NR5A2: variants seen among roughly 807,000 people sequenced by gnomAD.
The protein encoded by NR5A2 is nuclear receptor subfamily 5 group A member 2.
Under a neutral mutation model 62.7 loss-of-function variants are expected in NR5A2, and 26 were observed. The observed-to-expected ratio is 0.41, with a 90% confidence interval of 0.30 to 0.58. The LOEUF (loss-of-function observed/expected upper bound fraction) is 0.58. NR5A2 is among the 20% of genes least tolerant of loss of function. The probability of loss-of-function intolerance (pLI) is 0.22; values close to 1 mark genes in which losing one functional copy is unlikely to be tolerated. For synonymous variants in NR5A2, 246 were observed against 241.7 expected (o/e 1.02, Z -0.16); for missense variants, 541 against 669.1 (o/e 0.81, Z 2.11).
chr1:200,028,120 T>C lies in NR5A2; in HGVS notation c.64+209T>C, dbSNP rs115628659. Reference sequence around the variant, plus strand: ...GGATATTTCAACATATGAATATTATTCATTATATCTAGTGTTTACTGGTGT... The same window carrying C: ...GGATATTTCAACATATGAATATTATCCATTATATCTAGTGTTTACTGGTGT... On this transcript the variant is annotated intron_variant, in intron 1 of 7. Transcript: ENST00000367362. 8.2e-3 allele frequency among the ~76,000 whole-genome samples: 1,252 copies of C among 152,350 alleles called. 17 individuals are homozygous for C. The highest frequency in any genetic ancestry group is 0.025 in the African/African-American group (1,058 of 41,590).
intron 7 of NR5A2, among the ~76,000 whole-genome samples, chr1:200,141,388 T>A (rs1667438514): frequency 6.6e-6 from 1 of 152,192 alleles, no homozygotes; most frequent in Admixed American, 6.5e-5. Flanking sequence ...GGAATTGGCA[T>A]CTTTCACTCA....
intron 7 of NR5A2, among the ~76,000 whole-genome samples, chr1:200,151,958 G>A (rs1653149354): frequency 6.6e-6 from 1 of 152,212 alleles, no homozygotes; most frequent in African/African-American, 2.4e-5. Flanking sequence ...TCAGATCCAG[G>A]AGTCCCAGAC....
At chr1:200,118,032 T>TC (rs1163444125) in intron 6 of NR5A2, among the ~76,000 whole-genome samples, 1 of 146,434 alleles carries the variant, frequency 6.8e-6, no homozygotes, top group African/African-American at 2.5e-5. Context: ...TTTTTTTTTT[T>TC]TTTTGAGACA....
Position 200,174,225 on chromosome 1 carries a change from G to T in NR5A2, c.*15G>T. ...AAAGAGCATAAGTTACAACCCCTAG[G>T]AGCTCTGCTTTCAAAACAAAAAGAG... On this transcript the variant is annotated 3_prime_UTR_variant, in exon 8 of 8. Transcript: ENST00000367362. The T allele has an allele frequency of 6.5e-7, 1 of 1,527,106 alleles. No homozygotes were observed. The highest frequency in any genetic ancestry group is 8.8e-7 in the Non-Finnish European group (1 of 1,136,386). 94.6% of individuals were successfully genotyped at this position (1,527,106 alleles called of 1,614,324 possible).
At chr1:200,156,107 A>C (rs973277278) in intron 7 of NR5A2, among the ~76,000 whole-genome samples, 3 of 152,338 alleles carry the variant, frequency 2.0e-5, no homozygotes, top group East Asian at 3.9e-4. Context: ...TTACTGAGCC[A>C]CCATGGGGGT....
At chr1:200,095,630 C>A (rs757739915) in intron 5 of NR5A2, among the ~76,000 whole-genome samples, 1 of 151,708 alleles carries the variant, frequency 6.6e-6, no homozygotes, top group East Asian at 2.0e-4. Context: ...TCAGCTCACT[C>A]CAAGCTCCAC....
intron 5 of NR5A2, among the ~76,000 whole-genome samples, chr1:200,062,833 A>C: frequency 6.6e-6 from 1 of 152,224 alleles, no homozygotes; most frequent in East Asian, 1.9e-4. Flanking sequence ...TGTATTAGCT[A>C]GTTAACACAT....
intron 7 of NR5A2, among the ~76,000 whole-genome samples, chr1:200,172,227 G>A (rs1372761613): frequency 1.3e-5 from 2 of 152,072 alleles, no homozygotes; most frequent in Non-Finnish European, 2.9e-5. Context: ...ATTTCTGATT[G>A]TTTATATTTT....
chr1:200,112,205 A>G (rs948604199), intron 6 of NR5A2, among the ~76,000 whole-genome samples: 1 of 152,214 alleles, frequency 6.6e-6, no homozygotes, highest in African/African-American at 2.4e-5. Context: ...TTGGAAATGT[A>G]ACATTTGAGC....
chr1:200,146,399 T>C (rs1667696467), intron 7 of NR5A2, among the ~76,000 whole-genome samples: 1 of 152,210 alleles, frequency 6.6e-6, no homozygotes, highest in Admixed American at 6.5e-5. Context: ...AAATTTTCTG[T>C]GGAGGCCAAC....
At chr1:200,107,814 A>ATTTTTTTTTTTTTTTT (rs1558143331) in intron 5 of NR5A2, among the ~76,000 whole-genome samples, 1 of 150,330 alleles carries the variant, frequency 6.7e-6, no homozygotes, top group African/African-American at 2.5e-5. Context: ...TAGTTTTTTA[A>ATTTTTTTTTTTTTTTT]GAGACGGGGT....
chr1:200,074,223 G>GT (rs894068791), intron 5 of NR5A2, among the ~76,000 whole-genome samples: 7 of 151,940 alleles, frequency 4.6e-5, no homozygotes, highest in Non-Finnish European at 4.4e-5. Context: ...GTTTATTAAT[G>GT]TTTTTTTCTT....
intron 7 of NR5A2, among the ~76,000 whole-genome samples, chr1:200,146,178 A>G (rs1330417272): frequency 6.6e-6 from 1 of 152,216 alleles, no homozygotes; most frequent in Non-Finnish European, 1.5e-5. Flanking sequence ...TGAGTTTCTA[A>G]TTTGCCATTC....
intron 2 of NR5A2, among the ~76,000 whole-genome samples, chr1:200,041,997 G>A (rs1161490368): frequency 1.3e-5 from 2 of 152,172 alleles, no homozygotes; most frequent in African/African-American, 4.8e-5. Context: ...CCTCAAGACT[G>A]TCATCGCGAT....
chr1:200,027,958 A>G (rs1227475287), intron 1 of NR5A2, 47 bp downstream of exon 1: 2 of 1,279,678 alleles, frequency 1.6e-6, no homozygotes, highest in Non-Finnish European at 2.2e-6. Flanking sequence ...CTGCTACTAC[A>G]TACATATAAT....
intron 5 of NR5A2, among the ~76,000 whole-genome samples, chr1:200,091,252 A>G (rs548885388): frequency 6.6e-6 from 1 of 152,316 alleles, no homozygotes; most frequent in African/African-American, 2.4e-5. Context: ...AGTGACTACT[A>G]TTTATTGAGC....
intron 1 of NR5A2, among the ~76,000 whole-genome samples, chr1:200,033,235 G>A (rs1289163566): frequency 6.6e-6 from 1 of 152,188 alleles, no homozygotes; most frequent in Non-Finnish European, 1.5e-5. Context: ...CCAACAGATG[G>A]TGAGAAGGAA....
At chr1:200,131,228 GTTGTGGATT>G (rs934109697) in intron 7 of NR5A2, among the ~76,000 whole-genome samples, 5 of 152,060 alleles carry the variant, frequency 3.3e-5, no homozygotes, top group African/African-American at 1.2e-4. Context: ...TATAATAGGT[GTTGTGGATT>G]TTTTTTTTCT....
intron 6 of NR5A2, among the ~76,000 whole-genome samples, chr1:200,120,475 A>G (rs142548747): frequency 3.5e-3 from 529 of 152,350 alleles, no homozygotes; most frequent in Middle Eastern, 0.031. Context: ...AAAAGTGATT[A>G]TATTTATCAG....
Sources: gnomAD v4.1 joint callset for allele counts (sites outside exome capture counted in the v4.1 genomes callset) on GRCh38, gnomAD v4.1.1 for gene constraint, MANE v1.5 for transcripts, NCBI Gene and HGNC (gene_info 2026-07-23, HGNC 2026-07-21) for gene names.